The following CPA6 variants were observed in gnomAD, a reference collection of about 807,000 sequenced individuals.
CPA6 encodes carboxypeptidase B.
Under a neutral mutation model 63.3 loss-of-function variants are expected in CPA6, and 58 were observed. That is an observed-to-expected ratio of 0.92 (90% CI 0.74 to 1.14). The LOEUF is 1.14. Among genes scored for constraint, CPA6 ranks in the 50% most tolerant of loss-of-function variants. The pLI, the probability that CPA6 is intolerant of heterozygous loss-of-function variation, is 0.00. For synonymous variants in CPA6, 185 were observed against 179.0 expected (o/e 1.03, Z -0.27); for missense variants, 565 against 526.6 (o/e 1.07, Z -0.71).
intron 2 of CPA6, among the ~76,000 whole-genome samples, chr8:67,559,220 T>C (rs993279463): frequency 6.6e-6 from 1 of 152,204 alleles, no homozygotes; most frequent in African/African-American, 2.4e-5. Context: ...CTAAACCATT[T>C]AATATTTTTA....
chr8:67,576,378 T>G (rs549076665), intron 2 of CPA6, among the ~76,000 whole-genome samples: 2 of 152,370 alleles, frequency 1.3e-5, no homozygotes, highest in East Asian at 1.9e-4. Context: ...CAGGTCAAGA[T>G]GTGCTAGCTG....
intron 2 of CPA6, among the ~76,000 whole-genome samples, chr8:67,605,187 C>A (rs535629094): frequency 6.6e-6 from 1 of 151,906 alleles, no homozygotes; most frequent in Non-Finnish European, 1.5e-5. Flanking sequence ...CTCACAATAC[C>A]ATGTGTGATT....
intron 8 of CPA6, among the ~76,000 whole-genome samples, chr8:67,454,597 G>A (rs1161639417): frequency 6.6e-6 from 1 of 152,186 alleles, no homozygotes; most frequent in Non-Finnish European, 1.5e-5. Flanking sequence ...AAAGTTATTA[G>A]TTTTCCCTTA....
intron 2 of CPA6, among the ~76,000 whole-genome samples, chr8:67,607,595 C>G (rs1168217720): frequency 6.6e-6 from 1 of 151,902 alleles, no homozygotes; most frequent in Non-Finnish European, 1.5e-5. Context: ...ATTGTAATAC[C>G]TTTCTACAAG....
intron 1 of CPA6, among the ~76,000 whole-genome samples, chr8:67,689,189 T>TA (rs1399127217): frequency 3.3e-5 from 5 of 152,140 alleles, no homozygotes; most frequent in African/African-American, 1.2e-4. Context: ...TTTTGGAAGT[T>TA]ACCGTTACGC....
chr8:67,581,405 T>C (rs1202435432), intron 2 of CPA6, among the ~76,000 whole-genome samples: 6 of 152,212 alleles, frequency 3.9e-5, no homozygotes, highest in Admixed American at 2.6e-4. Context: ...AGTTGATTAA[T>C]ACTGACATGG....
intron 6 of CPA6, among the ~76,000 whole-genome samples, chr8:67,497,723 G>T (rs1220036510): frequency 6.7e-6 from 1 of 150,210 alleles, no homozygotes; most frequent in Non-Finnish European, 1.5e-5. Context: ...ATGGGGTCTT[G>T]CTCTGTTGCC....
At chr8:67,518,114 CA>C (rs1812185898) in intron 2 of CPA6, 67 bp from the exon 3 acceptor site, 1 of 1,419,186 alleles carries the variant, frequency 7.0e-7, no homozygotes, top group Admixed American at 2.5e-5. Flanking sequence ...GTCACAATGT[CA>C]AACACATTCT....
At chr8:67,660,321 G>GTTT in intron 1 of CPA6, among the ~76,000 whole-genome samples, 1 of 97,356 alleles carries the variant, frequency 1.0e-5, no homozygotes, top group Non-Finnish European at 1.9e-5. Flanking sequence ...AATTATTGCA[G>GTTT]GTTTTTTTTT....
At chr8:67,692,798 C>T (rs572857730) in intron 1 of CPA6, among the ~76,000 whole-genome samples, 25 of 152,270 alleles carry the variant, frequency 1.6e-4, no homozygotes, top group Middle Eastern at 3.4e-3. Context: ...TTGACCTCTT[C>T]GCTTCAAATT....
At chr8:67,514,714 G>GAAA (rs1812107738) in intron 3 of CPA6, among the ~76,000 whole-genome samples, 1 of 152,178 alleles carries the variant, frequency 6.6e-6, no homozygotes, top group Non-Finnish European at 1.5e-5. Flanking sequence ...ATAGAGACTT[G>GAAA]TTAAACTAAC....
chr8:67,470,174 C>A (rs759951103), intron 8 of CPA6, among the ~76,000 whole-genome samples: 1 of 151,936 alleles, frequency 6.6e-6, no homozygotes, highest in Non-Finnish European at 1.5e-5. Context: ...GGATTACGGG[C>A]ATGCACCACC....
intron 1 of CPA6, among the ~76,000 whole-genome samples, chr8:67,681,356 C>A (rs1816593813): frequency 6.7e-6 from 1 of 149,868 alleles, no homozygotes; most frequent in Admixed American, 6.6e-5. Context: ...ACTACAGGCG[C>A]CCGCCACCGT....
At chr8:67,481,355 T>C (rs910227405) in intron 8 of CPA6, among the ~76,000 whole-genome samples, 5 of 152,242 alleles carry the variant, frequency 3.3e-5, no homozygotes, top group African/African-American at 1.2e-4. Flanking sequence ...TCCTAGTTCC[T>C]ACCACTACTC....
In CPA6 at chr8:67,511,391, C is replaced by T. The variant is rs114544592; in HGVS notation, c.432+150G>A. The T allele has an allele frequency of 9.7e-3, 5,750 of 592,920 alleles. 248 individuals are homozygous for T. Among genetic ancestry groups the T allele is most frequent in the African/African-American group, 0.092 (5,048 of 54,814 alleles). 36.7% of individuals were successfully genotyped at this position (592,920 alleles called of 1,614,324 possible). On this transcript the variant is annotated intron_variant, in intron 4 of 10. Transcript: ENST00000297770. ...AATAGAAGAGATAAGGTGCCTGGGC[C>T]ATGTAAAAGCTACATATATTCTTCA...
chr8:67,559,672 C>T (rs1813154802), intron 2 of CPA6, among the ~76,000 whole-genome samples: 1 of 152,028 alleles, frequency 6.6e-6, no homozygotes, highest in South Asian at 2.1e-4. Context: ...TTATTCTATT[C>T]TGTTTGTCCT....
At chr8:67,574,214 C>G (rs1454633816) in intron 2 of CPA6, among the ~76,000 whole-genome samples, 3 of 151,596 alleles carry the variant, frequency 2.0e-5, no homozygotes, top group Non-Finnish European at 2.9e-5. Flanking sequence ...CCCATCTCCA[C>G]TAAAAATACA....
At chr8:67,729,757 T>C (rs901416574) in intron 1 of CPA6, among the ~76,000 whole-genome samples, 1 of 152,188 alleles carries the variant, frequency 6.6e-6, no homozygotes, top group Non-Finnish European at 1.5e-5. Context: ...GCTCAGAGCC[T>C]GATGAAACAA....
At chr8:67,465,240 T>C (rs10081477) in intron 8 of CPA6, among the ~76,000 whole-genome samples, 18,159 of 152,056 alleles carry the variant, frequency 0.12, 1,184 homozygotes, top group East Asian at 0.24. Context: ...TGATGTATTC[T>C]GGTAGTTTTA....
Sources: gnomAD v4.1 joint callset for allele counts (sites outside exome capture counted in the v4.1 genomes callset) on GRCh38, gnomAD v4.1.1 for gene constraint, MANE v1.5 for transcripts, NCBI Gene and HGNC (gene_info 2026-07-23, HGNC 2026-07-21) for gene names.